Variants in SYNPO2 observed in about 807,000 individuals in gnomAD.
The protein encoded by SYNPO2 is synaptopodin-2.
In SYNPO2, 56 loss-of-function variants were observed where a neutral mutation model predicts 85.0. That is an observed-to-expected ratio of 0.66 (90% CI 0.53 to 0.82). The LOEUF (loss-of-function observed/expected upper bound fraction) is 0.82, where lower values mean the gene tolerates loss of function less well. SYNPO2 is among the 40% of genes least tolerant of loss of function. The pLI is 0.00. For synonymous variants in SYNPO2, 602 were observed against 591.1 expected (o/e 1.02, Z -0.27); for missense variants, 1,575 against 1,534.2 (o/e 1.03, Z -0.44).
chr4:118,917,225 C>T (rs1289173537), intron 1 of SYNPO2, among the ~76,000 whole-genome samples: 2 of 152,048 alleles, frequency 1.3e-5, no homozygotes, highest in Non-Finnish European at 2.9e-5. Context: ...AACCCCGTCT[C>T]TACTAAAAAT....
chr4:118,921,258 A>G (rs1385957027), intron 1 of SYNPO2, among the ~76,000 whole-genome samples: 1 of 152,068 alleles, frequency 6.6e-6, no homozygotes, highest in Non-Finnish European at 1.5e-5. Context: ...GTAGGATTTC[A>G]TGGTCAGTCC....
intron 1 of SYNPO2, among the ~76,000 whole-genome samples, chr4:118,912,624 C>A (rs564052705): frequency 6.6e-6 from 1 of 152,224 alleles, no homozygotes; most frequent in African/African-American, 2.4e-5. Flanking sequence ...TCTATAAATT[C>A]TAACCATTTT....
chr4:118,952,861 A>G (rs1485923660), intron 1 of SYNPO2, among the ~76,000 whole-genome samples: 2 of 152,190 alleles, frequency 1.3e-5, no homozygotes, highest in African/African-American at 2.4e-5. Context: ...TTCTAATAGT[A>G]TAACAACCTC....
Position 119,030,402 on chromosome 4 carries a change from T to G in SYNPO2, c.1627T>G (p.Ser543Ala). The G allele has an allele frequency of 1.2e-6, 2 of 1,612,838 alleles. No homozygotes were observed. The highest frequency in any genetic ancestry group is 2.2e-5 in the South Asian group (2 of 91,008). Reference protein sequence around the residue: ...TTSYQRKEEESVRTQSSVSKS... With the variant: ...TTSYQRKEEEAVRTQSSVSKS... ...TTCTTACCAAAGAAAGGAGGAAGAG[T>G]CGGTAAGAACGCAGAGCTCTGTGAG... The change falls in exon 4 of 5, where the codon TCG becomes GCG. Residue 543 changes from serine (S) to alanine (A), a missense_variant. Transcript: ENST00000307142.
upstream of SYNPO2, among the ~76,000 whole-genome samples, chr4:118,887,480 T>C (rs1028823011): frequency 3.3e-5 from 5 of 152,234 alleles, no homozygotes; most frequent in African/African-American, 7.2e-5. Flanking sequence ...GTACTCCTTA[T>C]AATTTTCCTT....
chr4:118,991,112 T>G (rs2149168020), intron 1 of SYNPO2, among the ~76,000 whole-genome samples: 1 of 152,266 alleles, frequency 6.6e-6, no homozygotes, highest in Middle Eastern at 3.4e-3. Context: ...CTGGCCTAAT[T>G]AAATGACTCT....
rs967987755 is a variant in SYNPO2, at chr4:119,036,885, T to G, written c.3252+4858T>G. On this transcript the variant is annotated intron_variant, in intron 4 of 4. Transcript: ENST00000307142. ...AGTCCTGTCAAACATTTCTCAAACT[T>G]CTGATTTTATCAAAGGTTTGCCAGC... 124 of 1,166,738 alleles carry G rather than the reference T, an allele frequency of 1.1e-4. No homozygotes were observed. The African/African-American group carries it at 1.9e-3, about 18-fold the overall frequency. 72.3% of individuals were successfully genotyped at this position (1,166,738 alleles called of 1,614,324 possible).
At chr4:118,956,382 G>A (rs13145646) in intron 1 of SYNPO2, among the ~76,000 whole-genome samples, 10 of 151,926 alleles carry the variant, frequency 6.6e-5, no homozygotes, top group African/African-American at 2.4e-4. Context: ...GTGGTCAACC[G>A]TTCCAAAAGT....
At chr4:119,042,823 C>T (rs1738756033) in intron 4 of SYNPO2, 1 of 152,130 alleles carries the variant, frequency 6.6e-6, no homozygotes, top group Non-Finnish European at 1.5e-5. Flanking sequence ...ACATTGTTTT[C>T]AAAACTTTGA....
At chr4:118,969,321 A>G (rs552473851) in intron 1 of SYNPO2, among the ~76,000 whole-genome samples, 2 of 152,356 alleles carry the variant, frequency 1.3e-5, no homozygotes, top group South Asian at 4.1e-4. Context: ...AAAGTTGTAT[A>G]TGGCTCCAAA....
At chr4:119,035,086 C>T in intron 4 of SYNPO2, 2 of 985,402 alleles carry the variant, frequency 2.0e-6, no homozygotes, top group Non-Finnish European at 2.4e-6. Flanking sequence ...ATGTTAGGTG[C>T]CTTATGTATA....
rs745513035 is a variant in SYNPO2, at chr4:119,026,655, A to G, written c.286A>G (p.Ile96Val). 1.5e-5 allele frequency: 24 copies of G among 1,610,652 alleles called. No individual in the cohort carries two copies. ...RPSSGISEAL[I>V]SENENKNLEH... ...ATCCAGTGGAATAAGTGAGGCTTTG[A>G]TATCTGAAAATGAAAACAAAAACCT... Residue 96 changes from isoleucine to valine, a missense_variant, in exon 3 of 5, where the codon ATA (isoleucine) becomes GTA (valine). This residue lies in a region of SYNPO2 where 1,508 missense variants were observed against 1,446.8 expected (regional missense o/e 1.04). Transcript: ENST00000307142.
At chr4:119,049,099 A>G (rs1738959515) in intron 4 of SYNPO2, among the ~76,000 whole-genome samples, 1 of 152,204 alleles carries the variant, frequency 6.6e-6, no homozygotes, top group Non-Finnish European at 1.5e-5. Flanking sequence ...TTGGTCAGAT[A>G]GTGGATGTAT....
At chr4:119,052,676 C>T (rs1739091666) in intron 4 of SYNPO2, among the ~76,000 whole-genome samples, 1 of 152,168 alleles carries the variant, frequency 6.6e-6, no homozygotes, top group Admixed American at 6.5e-5. Flanking sequence ...CTGAAGCAGG[C>T]CCCAGCTGGG....
At chr4:119,012,705 C>T (rs1431646596) in intron 1 of SYNPO2, among the ~76,000 whole-genome samples, 4 of 152,146 alleles carry the variant, frequency 2.6e-5, no homozygotes, top group Admixed American at 6.5e-5. Flanking sequence ...GCTTCATCCA[C>T]GTCCCTTCAA....
intron 1 of SYNPO2, among the ~76,000 whole-genome samples, chr4:118,979,665 C>T (rs1439810422): frequency 6.6e-6 from 1 of 152,168 alleles, no homozygotes; most frequent in Non-Finnish European, 1.5e-5. Context: ...ATTATCTATA[C>T]TATATTTTCA....
intron 1 of SYNPO2, among the ~76,000 whole-genome samples, chr4:118,927,764 TA>T (rs1204976944): frequency 0.01 from 991 of 98,106 alleles, 10 homozygotes; most frequent in Middle Eastern, 0.022. Context: ...GATAGATATA[TA>T]GATAGATAGA....
At chr4:118,942,625 C>T (rs1011045946) in intron 1 of SYNPO2, among the ~76,000 whole-genome samples, 2 of 152,076 alleles carry the variant, frequency 1.3e-5, no homozygotes, top group African/African-American at 4.8e-5. Flanking sequence ...GAGAATGACT[C>T]ATCTCTACAT....
chr4:119,008,048 G>T (rs1237690248), intron 1 of SYNPO2, among the ~76,000 whole-genome samples: 3 of 152,192 alleles, frequency 2.0e-5, no homozygotes, highest in Non-Finnish European at 4.4e-5. Flanking sequence ...AGCAGAGAGT[G>T]CAACAGCTTT....
Sources: gnomAD v4.1 joint callset for allele counts (sites outside exome capture counted in the v4.1 genomes callset) on GRCh38, gnomAD v4.1.1 for gene constraint, gnomAD v4.1.1 regional missense constraint, MANE v1.5 for transcripts, NCBI Gene and HGNC (gene_info 2026-07-23, HGNC 2026-07-21) for gene names.